SCAMP5: variants seen among roughly 807,000 people sequenced by gnomAD.
The protein encoded by SCAMP5 is secretory carrier-associated membrane protein 5.
Under a neutral mutation model 28.3 loss-of-function variants are expected in SCAMP5, and 7 were observed. The observed-to-expected ratio is 0.25, with a 90% CI of 0.14 to 0.46. The LOEUF (loss-of-function observed/expected upper bound fraction) is 0.46, where lower values mean the gene tolerates loss of function less well. SCAMP5 is among the 20% of genes least tolerant of loss of function. The pLI is 0.99. For synonymous variants in SCAMP5, 117 were observed against 116.4 expected, an observed-to-expected ratio of 1.00 and a Z score of -0.03; for missense variants, 192 against 312.5, an observed-to-expected ratio of 0.61 and a Z score of 2.91.
chr15:75,017,942 G>A lies in SCAMP5; in HGVS notation c.366G>A (p.Gln122=). The A allele has an allele frequency of 6.2e-7, 1 of 1,613,730 alleles. No homozygotes were observed. The highest frequency in any genetic ancestry group is 8.5e-7 in the Non-Finnish European group (1 of 1,179,668). The change falls in exon 5 of 7, where the codon CAG becomes CAA. Residue 122 remains glutamine (Q), a synonymous_variant. Coordinates refer to ENST00000425597, the MANE Select transcript of SCAMP5 (RefSeq NM_138967.4). ...CTCAGTTGGTCATCAGCATCATCCAGGCCGTGGGCATCCCAGGCTGGGGCG... is the reference window on the plus strand; with the variant it reads ...CTCAGTTGGTCATCAGCATCATCCAAGCCGTGGGCATCCCAGGCTGGGGCG... The part of the protein sequence containing the change: ...FMAQLVISII[Q]AVGIPGWGVC...
In SCAMP5 at chr15:75,018,253, C is replaced by T. The variant is rs1284732520; in HGVS notation, c.396-165C>T. On this transcript the variant is annotated intron_variant, in intron 5 of 6. Coordinates refer to ENST00000425597, the MANE Select transcript of SCAMP5 (RefSeq NM_138967.4). This position sits in a 1 kb window ranked among gnomAD's most constrained non-coding sequence, Gnocchi z 5.6. ...CACCTCTGAGCCACAGGGATGGGGT[C>T]TTCTTGAGCCACTGGCACAGGTTCT... 1 of 644,602 alleles carries T rather than the reference C, an allele frequency of 1.6e-6. No homozygotes were observed. Among genetic ancestry groups the T allele is most frequent in the African/African-American group, 1.8e-5 (1 of 55,276 alleles). 39.9% of individuals were successfully genotyped at this position (644,602 alleles called of 1,614,324 possible). A position where few individuals can be genotyped will look rare whatever the true frequency, so the allele number is the denominator to read the frequency against.
chr15:75,001,042 C>T (rs927216289), intron 1 of SCAMP5, among the ~76,000 whole-genome samples: 7 of 151,660 alleles, frequency 4.6e-5, no homozygotes, highest in African/African-American at 1.5e-4. Context: ...GGGCGGATCA[C>T]GAGGTCAGGA....
At chr15:75,009,315 T>C (rs1422606511) in intron 1 of SCAMP5, among the ~76,000 whole-genome samples, 2 of 152,190 alleles carry the variant, frequency 1.3e-5, no homozygotes, top group Non-Finnish European at 2.9e-5. Flanking sequence ...TTCTCTTCTC[T>C]TTTTGTGGTA....
rs2065879675 is a variant in SCAMP5, at chr15:75,018,647, T to C, written c.513+112T>C. 9.7e-7 allele frequency: 1 copy of C among 1,031,482 alleles called. No individual in the cohort carries two copies. Among genetic ancestry groups the C allele is most frequent in the African/African-American group, 1.6e-5 (1 of 63,412 alleles). 63.9% of individuals were successfully genotyped at this position (1,031,482 alleles called of 1,614,324 possible). ...CCGAGGTCTTCCAAGGGACTCACTC[T>C]GGAATGGCCTGCAGGACTCTCCTAC... On this transcript the variant is annotated intron_variant, in intron 6 of 6. Coordinates refer to ENST00000425597, the MANE Select transcript of SCAMP5 (RefSeq NM_138967.4). This position sits in a 1 kb window ranked among gnomAD's most constrained non-coding sequence, Gnocchi z 5.6.
chr15:75,012,994 G>A, intron 3 of SCAMP5, 189 bp downstream of exon 3: 1 of 601,176 alleles, frequency 1.7e-6, no homozygotes, highest in Non-Finnish European at 2.9e-6. Flanking sequence ...CTCCCCGACT[G>A]GGCCTCAGTT....
chr15:75,008,077 G>C (rs1210404745), intron 1 of SCAMP5, among the ~76,000 whole-genome samples: 3 of 139,776 alleles, frequency 2.1e-5, no homozygotes, highest in African/African-American at 7.3e-5. Flanking sequence ...GTGATCAAAA[G>C]TTACTTGGGC....
chr15:75,016,505 G>A (rs1391129110), intron 3 of SCAMP5, 88 bp from the exon 4 acceptor site: 2 of 1,234,540 alleles, frequency 1.6e-6, no homozygotes, highest in African/African-American at 3.0e-5. Flanking sequence ...CGTTACTGGT[G>A]TGTGTGTGCC....
intron 1 of SCAMP5, among the ~76,000 whole-genome samples, chr15:75,008,474 C>T (rs1434891942): frequency 6.6e-6 from 1 of 150,714 alleles, no homozygotes; most frequent in Admixed American, 6.6e-5. Flanking sequence ...AAGCATTCCA[C>T]AGCAGTTTAC....
At chr15:75,015,231 C>T (rs1024142214) in intron 3 of SCAMP5, among the ~76,000 whole-genome samples, 39 of 152,304 alleles carry the variant, frequency 2.6e-4, no homozygotes, top group African/African-American at 8.4e-4. Flanking sequence ...CTGTTTGAGG[C>T]CACGGTTGAG....
chr15:74,997,189 T>C (rs1451878604), intron 1 of SCAMP5: 1 of 152,252 alleles, frequency 6.6e-6, no homozygotes, highest in Non-Finnish European at 1.5e-5. Flanking sequence ...TCCTCCCCTA[T>C]CCCTCTGCCT....
At chr15:75,005,485 A>T (rs1403774105) in intron 1 of SCAMP5, among the ~76,000 whole-genome samples, 1 of 151,826 alleles carries the variant, frequency 6.6e-6, no homozygotes, top group Non-Finnish European at 1.5e-5. Context: ...AAATTCTGCC[A>T]GGCTTCCCCA....
Position 75,019,070 on chromosome 15 carries a change from T to A in SCAMP5, c.*87T>A, listed in dbSNP as rs1595890799. The A allele has an allele frequency of 5.8e-6, 5 of 862,452 alleles. No homozygotes were observed. Among genetic ancestry groups the A allele is most frequent in the Non-Finnish European group, 8.8e-6 (5 of 569,686 alleles). The allele number at this position is 862,452 out of a possible 1,614,324, so 53.4% of individuals were successfully genotyped here. A position where few individuals can be genotyped will look rare whatever the true frequency, so the allele number is the denominator to read the frequency against. ...CGTCATTTGTGGTTACCAAGCAGGG[T>A]TCCCCCTTCCCTTTTCTCCTTCCCT... On this transcript the variant is annotated 3_prime_UTR_variant, in exon 7 of 7. Transcript: ENST00000425597.
At chr15:75,013,368 T>C (rs1371066110) in intron 3 of SCAMP5, among the ~76,000 whole-genome samples, 4 of 152,158 alleles carry the variant, frequency 2.6e-5, no homozygotes, top group Admixed American at 2.6e-4. Context: ...GCGATTGCTG[T>C]GGTTCCATGC....
At chr15:75,012,881 G>A (rs1178622302) in intron 3 of SCAMP5, 76 bp downstream of exon 3, 25 of 1,453,564 alleles carry the variant, frequency 1.7e-5, no homozygotes, top group Non-Finnish European at 2.4e-5. Flanking sequence ...GCAGCGGGGT[G>A]GGGTGCCCAC....
intron 1 of SCAMP5, among the ~76,000 whole-genome samples, chr15:75,008,799 G>T (rs2065784864): frequency 6.6e-6 from 1 of 152,104 alleles, no homozygotes; most frequent in South Asian, 2.1e-4. Context: ...ACCATGGCTG[G>T]CATCTTTTTT....
At chr15:75,008,858 G>A (rs2065785535) in intron 1 of SCAMP5, among the ~76,000 whole-genome samples, 1 of 152,162 alleles carries the variant, frequency 6.6e-6, no homozygotes, top group African/African-American at 2.4e-5. Flanking sequence ...TATTCAAATA[G>A]TCACATTTAG....
intron 1 of SCAMP5, among the ~76,000 whole-genome samples, chr15:75,000,980 G>T (rs927855350): frequency 9.9e-5 from 15 of 151,996 alleles, no homozygotes; most frequent in African/African-American, 3.6e-4. Flanking sequence ...TCAGCTCCAG[G>T]CCGGGCGCGG....
intron 1 of SCAMP5, among the ~76,000 whole-genome samples, chr15:75,007,041 G>A (rs1333701122): frequency 2.0e-5 from 3 of 152,168 alleles, no homozygotes; most frequent in Admixed American, 6.5e-5. Flanking sequence ...TGGTTCTTGT[G>A]TCCTTTTGAC....
At chr15:74,999,593 CAAAACA>C (rs763051950) in intron 1 of SCAMP5, among the ~76,000 whole-genome samples, 12 of 151,692 alleles carry the variant, frequency 7.9e-5, no homozygotes, top group South Asian at 2.1e-4. Flanking sequence ...GACTCCATCT[CAAAACA>C]AAAACAAAAA....
Sources: gnomAD v4.1 joint callset for allele counts (sites outside exome capture counted in the v4.1 genomes callset) on GRCh38, gnomAD v4.1.1 for gene constraint, Gnocchi (gnomAD v3.1) non-coding constraint, MANE v1.5 for transcripts, NCBI Gene and HGNC (gene_info 2026-07-23, HGNC 2026-07-21) for gene names.